KATNIP: variants seen among roughly 807,000 people sequenced by gnomAD.
KATNIP encodes katanin-interacting protein.
In KATNIP, 126 loss-of-function variants were observed where a neutral mutation model predicts 174.0. The observed-to-expected ratio is 0.72, with a 90% CI of 0.63 to 0.84. The LOEUF is 0.84. Ranked by LOEUF, KATNIP falls within the 40% of genes least tolerant of loss-of-function variation. KATNIP has a pLI of 0.00. For synonymous variants in KATNIP, 810 were observed against 835.7 expected (o/e 0.97, Z 0.53); for missense variants, 1,958 against 2,109.7 (o/e 0.93, Z 1.41).
chr16:27,623,302 G>A (rs2076246425), intron 3 of KATNIP, among the ~76,000 whole-genome samples: 1 of 152,194 alleles, frequency 6.6e-6, no homozygotes, highest in African/African-American at 2.4e-5. Context: ...CCTTGGGCAA[G>A]TTCATTTCTA....
intron 2 of KATNIP, among the ~76,000 whole-genome samples, chr16:27,608,318 C>T (rs933748502): frequency 2.7e-5 from 4 of 149,470 alleles, no homozygotes; most frequent in South Asian, 2.1e-4. Context: ...GCAGCCTCGA[C>T]CTCCTGGACT....
At chr16:27,583,420 T>G (rs1360522092) in intron 2 of KATNIP, among the ~76,000 whole-genome samples, 4 of 152,202 alleles carry the variant, frequency 2.6e-5, no homozygotes, top group African/African-American at 9.7e-5. Context: ...CTGTATGGAA[T>G]ATGATTAGAA....
chr16:27,556,445 T>C (rs533365269), intron 1 of KATNIP, among the ~76,000 whole-genome samples: 1 of 152,328 alleles, frequency 6.6e-6, no homozygotes, highest in South Asian at 2.1e-4. Flanking sequence ...TCAAGGAACA[T>C]AATAATTAGA....
At chr16:27,623,404 C>T (rs1273108788) in intron 3 of KATNIP, among the ~76,000 whole-genome samples, 3 of 152,308 alleles carry the variant, frequency 2.0e-5, no homozygotes, top group African/African-American at 7.2e-5. Flanking sequence ...CTACCCAACC[C>T]AGTATTCATC....
chr16:27,693,641 A>G (rs1437143872), intron 8 of KATNIP, among the ~76,000 whole-genome samples: 2 of 152,058 alleles, frequency 1.3e-5, no homozygotes, highest in Non-Finnish European at 2.9e-5. Flanking sequence ...CACCTGCCTC[A>G]GCCTCCCAAG....
chr16:27,559,408 A>G (rs1182098429), intron 1 of KATNIP, among the ~76,000 whole-genome samples: 1 of 152,172 alleles, frequency 6.6e-6, no homozygotes, highest in Non-Finnish European at 1.5e-5. Flanking sequence ...CAGGCCAGGC[A>G]TGGTGGCTCA....
intron 8 of KATNIP, among the ~76,000 whole-genome samples, chr16:27,690,783 G>T (rs1169656627): frequency 6.6e-6 from 1 of 152,202 alleles, no homozygotes; most frequent in Non-Finnish European, 1.5e-5. Flanking sequence ...ACCACAGGGA[G>T]TGGGGTGCAC....
chr16:27,563,318 A>G (rs2089960235), intron 1 of KATNIP, among the ~76,000 whole-genome samples: 1 of 152,196 alleles, frequency 6.6e-6, no homozygotes, highest in Non-Finnish European at 1.5e-5. Context: ...GGAGAGAGCT[A>G]AGGCCCTGAG....
At chr16:27,593,653 C>A (rs1296803768) in intron 2 of KATNIP, among the ~76,000 whole-genome samples, 3 of 152,164 alleles carry the variant, frequency 2.0e-5, no homozygotes, top group African/African-American at 7.2e-5. Flanking sequence ...GCCTCAGCCT[C>A]CCATGTACCT....
At chr16:27,692,714 A>G (rs9932616) in intron 8 of KATNIP, among the ~76,000 whole-genome samples, 28,012 of 152,092 alleles carry the variant, frequency 0.18, 2,781 homozygotes, top group African/African-American at 0.27. Flanking sequence ...GTCCCCTCCC[A>G]TCATGAGCAG....
Position 27,774,305 on chromosome 16 carries a change from T to C in KATNIP, c.4310-640T>C, listed in dbSNP as rs375754956. ...GACTCCTCGAAGCTATAAAGTTTCA[T>C]TGATTTTACCAAAGTGCTCACATCT... On this transcript the variant is annotated intron_variant, in intron 23 of 27. Transcript: ENST00000261588. Among the ~76,000 whole-genome samples, 6 of 152,290 alleles carry C rather than the reference T, an allele frequency of 3.9e-5. No individual in the cohort carries two copies. In the East Asian group the frequency reaches 7.7e-4, roughly 20 times the overall value.
At position 27,573,999 on chromosome 16, in the gene KATNIP, T is replaced by C. The variant is rs767182278; in HGVS notation, c.63+43T>C. The C allele has an allele frequency of 2.5e-6, 4 of 1,569,208 alleles. No individual in the cohort carries two copies. The Admixed American group carries it at 5.0e-5, about 20-fold the overall frequency. On this transcript the variant is annotated intron_variant, in intron 2 of 27. Coordinates refer to ENST00000261588, the MANE Select transcript of KATNIP (RefSeq NM_015202.5). The stretch of plus-strand genomic sequence containing the variant: ...GAGGGCTGATGGGAGGCAACTCTAT[T>C]TGAAAGGACCTGAGGGAGCAGGGTG...
rs149790544 is a variant in KATNIP at position 27,708,881 on chromosome 16, G to A, written c.1566G>A (p.Thr522=). Reference sequence around the variant, plus strand: ...ATGTGGATATCCGGAACACAGCCACGCCTGGGGAGCTGGGCCGCCTCGTCA... The same window carrying A: ...ATGTGGATATCCGGAACACAGCCACACCTGGGGAGCTGGGCCGCCTCGTCA... ...PHDVDIRNTA[T]PGELGRLVNR... The change falls in exon 13 of 28, where the codon ACG becomes ACA. Residue 522 remains threonine (T), a synonymous_variant. Transcript: ENST00000261588. 89 of 1,613,574 alleles carry A rather than the reference G, an allele frequency of 5.5e-5. No homozygotes were observed. Among genetic ancestry groups the A allele is most frequent in the African/African-American group, 8.0e-5 (6 of 74,876 alleles).
intron 8 of KATNIP, among the ~76,000 whole-genome samples, chr16:27,688,324 G>A (rs2078595291): frequency 6.6e-6 from 1 of 152,126 alleles, no homozygotes; most frequent in African/African-American, 2.4e-5. Context: ...CGGACATGGT[G>A]ACTCACACCT....
At chr16:27,643,590 CAAAAAAAAAA>C (rs562253355) in intron 5 of KATNIP, among the ~76,000 whole-genome samples, 1,280 of 40,486 alleles carry the variant, frequency 0.032, 30 homozygotes, top group Middle Eastern at 0.26. Context: ...GACTCTGTCT[CAAAAAAAAAA>C]AAAAAAAAAA....
intron 14 of KATNIP, among the ~76,000 whole-genome samples, chr16:27,736,199 C>T (rs1383900821): frequency 6.6e-6 from 1 of 152,102 alleles, no homozygotes; most frequent in Non-Finnish European, 1.5e-5. Context: ...GACGGGGTTT[C>T]ATCATGTTGG....
At chr16:27,688,004 T>C (rs750577437) in intron 8 of KATNIP, among the ~76,000 whole-genome samples, 1 of 152,218 alleles carries the variant, frequency 6.6e-6, no homozygotes, top group Non-Finnish European at 1.5e-5. Context: ...AATAGTAGAA[T>C]TGGCCTCAGG....
chr16:27,650,182 A>AT (rs397806931), intron 6 of KATNIP, among the ~76,000 whole-genome samples: 4 of 150,834 alleles, frequency 2.7e-5, no homozygotes, highest in African/African-American at 9.7e-5. Context: ...AAAAAAAAAA[A>AT]GGAGTGGCTT....
intron 18 of KATNIP, 63 bp downstream of exon 18, chr16:27,754,314 G>T (rs751097789): frequency 6.0e-5 from 83 of 1,393,558 alleles, no homozygotes; most frequent in Admixed American, 3.8e-4. Flanking sequence ...AGGGGGAGTT[G>T]TGGCCACTTG....
Sources: gnomAD v4.1 joint callset for allele counts (sites outside exome capture counted in the v4.1 genomes callset) on GRCh38, gnomAD v4.1.1 for gene constraint, MANE v1.5 for transcripts, NCBI Gene and HGNC (gene_info 2026-07-23, HGNC 2026-07-21) for gene names.